The following CDH13 variants were observed in gnomAD, a reference collection of about 807,000 sequenced individuals.
The protein encoded by CDH13 is cadherin-13.
CDH13 carries 24 observed loss-of-function variants against 63.8 expected under a neutral mutation model. The ratio of observed to expected loss-of-function variants is 0.38; its 90% CI spans 0.27 to 0.53. The LOEUF is 0.53. Ranked by LOEUF, CDH13 falls within the 20% of genes least tolerant of loss-of-function variation. The probability of loss-of-function intolerance (pLI) is 0.85; values close to 1 mark genes in which losing one functional copy is unlikely to be tolerated. For missense variants in CDH13, 1,049 were observed against 903.1 expected, an observed-to-expected ratio of 1.16 and a Z score of -2.07; for synonymous variants, 503 against 355.3, an observed-to-expected ratio of 1.42 and a Z score of -4.67.
At chr16:83,531,319 C>T (rs1439127638) in intron 7 of CDH13, among the ~76,000 whole-genome samples, 2 of 152,158 alleles carry the variant, frequency 1.3e-5, no homozygotes, top group African/African-American at 2.4e-5. Flanking sequence ...GAAGGCAGCA[C>T]AGTATAATAG....
chr16:83,490,046 C>CA (rs58411349), intron 7 of CDH13, among the ~76,000 whole-genome samples: 1 of 147,488 alleles, frequency 6.8e-6, no homozygotes, highest in Non-Finnish European at 1.5e-5. Flanking sequence ...CACACACACA[C>CA]ACAGCTCACC....
intron 4 of CDH13, among the ~76,000 whole-genome samples, chr16:83,206,252 C>T (rs532632679): frequency 4.6e-5 from 7 of 152,300 alleles, no homozygotes; most frequent in South Asian, 4.1e-4. Context: ...GCCCTCTGGC[C>T]GTGATTTCTC....
intron 1 of CDH13, among the ~76,000 whole-genome samples, chr16:82,770,558 T>C (rs1264728701): frequency 6.6e-6 from 1 of 152,258 alleles, no homozygotes; most frequent in Non-Finnish European, 1.5e-5. Context: ...TAGTTACATA[T>C]TCAATCATTA....
At chr16:82,875,451 C>G (rs545452583) in intron 2 of CDH13, among the ~76,000 whole-genome samples, 3 of 152,252 alleles carry the variant, frequency 2.0e-5, no homozygotes, top group Admixed American at 1.3e-4. Context: ...ACCTGAATGA[C>G]AAGGTCTCAG....
intron 3 of CDH13, among the ~76,000 whole-genome samples, chr16:83,060,286 A>C: frequency 6.6e-6 from 1 of 152,222 alleles, no homozygotes; most frequent in East Asian, 1.9e-4. Context: ...CATTTGTCCC[A>C]GAGAGTCAGT....
chr16:83,724,510 A>G (rs559362412), intron 10 of CDH13, among the ~76,000 whole-genome samples: 35 of 152,002 alleles, frequency 2.3e-4, no homozygotes, highest in Non-Finnish European at 4.7e-4. Flanking sequence ...TGATAAATGC[A>G]TGAGTCGGTG....
chr16:83,269,733 C>T (rs1273279753), intron 5 of CDH13, among the ~76,000 whole-genome samples: 1 of 152,182 alleles, frequency 6.6e-6, no homozygotes, highest in Non-Finnish European at 1.5e-5. Flanking sequence ...TGACCTCTGG[C>T]CACCTTCCCT....
At chr16:82,807,446 G>T (rs1013638176) in intron 1 of CDH13, among the ~76,000 whole-genome samples, 84 of 152,236 alleles carry the variant, frequency 5.5e-4, no homozygotes, top group African/African-American at 1.9e-3. Flanking sequence ...GAACAATAGA[G>T]GATTCCAAGA....
intron 5 of CDH13, among the ~76,000 whole-genome samples, chr16:83,316,750 C>T (rs774503350): frequency 6.6e-6 from 1 of 152,222 alleles, no homozygotes; most frequent in Non-Finnish European, 1.5e-5. Flanking sequence ...TTTTACTCCT[C>T]ACAGCTAAGG....
At chr16:83,224,491 T>G (rs1469478871) in intron 5 of CDH13, among the ~76,000 whole-genome samples, 1 of 152,218 alleles carries the variant, frequency 6.6e-6, no homozygotes. Context: ...CCTGTGATCT[T>G]CACTTCTGTC....
At chr16:82,680,926 C>G (rs1452387472) in intron 1 of CDH13, among the ~76,000 whole-genome samples, 1 of 152,166 alleles carries the variant, frequency 6.6e-6, no homozygotes, top group South Asian at 2.1e-4. Flanking sequence ...CAGTAGCTCC[C>G]ATGAGCCAAA....
intron 1 of CDH13, among the ~76,000 whole-genome samples, chr16:82,695,080 T>C (rs1381497): frequency 0.32 from 48,885 of 151,872 alleles, 8,161 homozygotes; most frequent in East Asian, 0.39. Flanking sequence ...TCCTGTCGGC[T>C]GGAGGAAGGG....
intron 1 of CDH13, among the ~76,000 whole-genome samples, chr16:82,810,782 G>C (rs1381087771): frequency 6.6e-6 from 1 of 152,036 alleles, no homozygotes; most frequent in East Asian, 1.9e-4. Context: ...AGAGAAGCTG[G>C]ACCATGCAGA....
chr16:83,358,988 C>T (rs566408918), intron 6 of CDH13, among the ~76,000 whole-genome samples: 9 of 152,232 alleles, frequency 5.9e-5, no homozygotes, highest in Middle Eastern at 3.4e-3. Context: ...ATGGGGCTGC[C>T]ATTTATGTCA....
intron 10 of CDH13, chr16:83,725,737 G>T (rs1023249984): frequency 1.3e-5 from 2 of 152,198 alleles, no homozygotes; most frequent in African/African-American, 4.8e-5. Flanking sequence ...TAATTTTCCA[G>T]AACAGAGAAT....
chr16:83,347,231 A>C (rs915616548), intron 6 of CDH13, among the ~76,000 whole-genome samples: 2 of 152,080 alleles, frequency 1.3e-5, no homozygotes, highest in African/African-American at 4.8e-5. Context: ...AACAAACCCT[A>C]ACTGGCTATA....
chr16:83,363,771 G>T (rs2091207330), intron 6 of CDH13, among the ~76,000 whole-genome samples: 2 of 152,172 alleles, frequency 1.3e-5, no homozygotes, highest in South Asian at 4.1e-4. Flanking sequence ...ATCCTGAGCT[G>T]CTAGGTATCA....
At chr16:83,430,313 T>C (rs960444178) in intron 6 of CDH13, among the ~76,000 whole-genome samples, 1 of 151,990 alleles carries the variant, frequency 6.6e-6, no homozygotes, top group Non-Finnish European at 1.5e-5. Flanking sequence ...TAAAAGACAA[T>C]GGAGAAATAC....
At chr16:82,873,682 C>G (rs913790502) in intron 2 of CDH13, among the ~76,000 whole-genome samples, 2 of 152,152 alleles carry the variant, frequency 1.3e-5, no homozygotes, top group African/African-American at 2.4e-5. Flanking sequence ...CTGCTACATG[C>G]AATATTTTTA....
Sources: allele counts gnomAD v4.1 joint callset (sites outside exome capture counted in the v4.1 genomes callset), GRCh38; gene constraint gnomAD v4.1.1; transcripts MANE v1.5; gene names NCBI Gene and HGNC (gene_info 2026-07-23, HGNC 2026-07-21).